Variants in PMFBP1 observed in about 807,000 individuals in gnomAD.
PMFBP1 encodes polyamine modulated factor 1 binding protein 1, also known as polyamine-modulated factor 1-binding protein 1.
Under a neutral mutation model 137.8 loss-of-function variants are expected in PMFBP1, and 131 were observed. The observed-to-expected ratio is 0.95, with a 90% CI of 0.82 to 1.10. The LOEUF (loss-of-function observed/expected upper bound fraction) is 1.10, where lower values mean the gene tolerates loss of function less well. Ranked by LOEUF, PMFBP1 falls within the 50% of genes least tolerant of loss-of-function variation. The pLI, the probability that PMFBP1 is intolerant of heterozygous loss-of-function variation, is 0.00. For synonymous variants in PMFBP1, 490 were observed against 450.4 expected (o/e 1.09, Z -1.11); for missense variants, 1,199 against 1,175.4 (o/e 1.02, Z -0.29).
At position 72,164,776 on chromosome 16, in the gene PMFBP1, C is replaced by G. The variant is rs756566746; in HGVS notation, c.153G>C (p.Met51Ile). 5 of 1,592,420 alleles carry G rather than the reference C, an allele frequency of 3.1e-6. No individual in the cohort carries two copies. In the Admixed American group the frequency reaches 8.4e-5, roughly 27 times the overall value. Residue 51 changes from methionine to isoleucine, a missense_variant, in exon 3 of 21, where the codon ATG (methionine) becomes ATC (isoleucine). Met to Ile is a conservative substitution (Grantham distance 10). Coordinates refer to ENST00000237353, the MANE Select transcript of PMFBP1 (RefSeq NM_031293.3). Reference protein sequence around the residue: ...QDNQLCMEEAMNSSHDKKQAQ... With the variant: ...QDNQLCMEEAINSSHDKKQAQ... ...CCAAGTCCCTTACGTGGCTGCTGTT[C>G]ATTGCCTCCTCCATGCAGAGCTGAT...
intron 5 of PMFBP1, among the ~76,000 whole-genome samples, chr16:72,142,179 T>C (rs2042733751): frequency 6.6e-6 from 1 of 152,062 alleles, no homozygotes; most frequent in Non-Finnish European, 1.5e-5. Context: ...AAATCTAAAA[T>C]TGACTGTAAA....
At chr16:72,119,622 G>A (rs1043754210) in intron 20 of PMFBP1, 1 of 1,444,328 alleles carries the variant, frequency 6.9e-7, no homozygotes, top group Admixed American at 2.8e-5. Flanking sequence ...GGAGGGGGCA[G>A]GTCTGAGATG....
chr16:72,241,958 T>C, the PMFBP1 span, among the ~76,000 whole-genome samples: 2 of 152,190 alleles, frequency 1.3e-5, no homozygotes, highest in African/African-American at 4.8e-5. Context: ...TCCTTCTCAT[T>C]ATGTATGCCT....
the PMFBP1 span, among the ~76,000 whole-genome samples, chr16:72,211,904 G>A: frequency 6.6e-6 from 1 of 152,122 alleles, no homozygotes; most frequent in African/African-American, 2.4e-5. Flanking sequence ...GGCTGAAGTG[G>A]GAGGACTGCT....
Position 72,136,460 on chromosome 16 carries a change from C to G in PMFBP1, c.1191G>C (p.Leu397Phe). Residue 397 changes from leucine to phenylalanine, a missense_variant, in exon 9 of 21, where the codon TTG becomes TTC. Coordinates refer to ENST00000237353, the MANE Select transcript of PMFBP1 (RefSeq NM_031293.3). Reference sequence around the variant, plus strand: ...TTCCTCACTTTACCTTGTCTTTCTTCAAAGTGAGCTTTTGGGTCTCGGTGA... The same window carrying G: ...TTCCTCACTTTACCTTGTCTTTCTTGAAAGTGAGCTTTTGGGTCTCGGTGA... ...LEFTETQKLT[L>F]KKDKFLQEKD... 1 of 1,613,444 alleles carries G rather than the reference C, an allele frequency of 6.2e-7. No individual in the cohort carries two copies.
intron 2 of PMFBP1, among the ~76,000 whole-genome samples, chr16:72,165,737 G>C (rs1316915648): frequency 2.6e-5 from 4 of 152,140 alleles, no homozygotes; most frequent in Admixed American, 2.6e-4. Flanking sequence ...CTTTTCTTTA[G>C]AGGCATTCAC....
chr16:72,231,906 G>GTATATACTTTTTTCCTCACAAA, the PMFBP1 span, among the ~76,000 whole-genome samples: 31,225 of 151,764 alleles, frequency 0.21, 3,633 homozygotes, highest in East Asian at 0.42. Flanking sequence ...TATACTTTTG[G>GTATATACTTTTTTCCTCACAAA]GAAGACACCC....
upstream of PMFBP1, among the ~76,000 whole-genome samples, chr16:72,181,567 A>G (rs774513048): frequency 1.4e-4 from 21 of 152,238 alleles, no homozygotes; most frequent in Non-Finnish European, 2.8e-4. Flanking sequence ...TTAAAAAATT[A>G]TTCAGGTTGC....
At chr16:72,246,033 G>A in the PMFBP1 span, among the ~76,000 whole-genome samples, 1 of 152,106 alleles carries the variant, frequency 6.6e-6, no homozygotes, top group Non-Finnish European at 1.5e-5. Context: ...GGATAGTGTG[G>A]GAGCATACTC....
At chr16:72,207,396 G>A in the PMFBP1 span, among the ~76,000 whole-genome samples, 1 of 152,110 alleles carries the variant, frequency 6.6e-6, no homozygotes, top group Non-Finnish European at 1.5e-5. Flanking sequence ...AAAAAGGGAT[G>A]GTTTTGAGAG....
the PMFBP1 span, among the ~76,000 whole-genome samples, chr16:72,224,188 C>T: frequency 3.3e-5 from 5 of 152,206 alleles, no homozygotes; most frequent in African/African-American, 4.8e-5. Flanking sequence ...ATGTCCAAAT[C>T]GGTGTCATGT....
the PMFBP1 span, among the ~76,000 whole-genome samples, chr16:72,248,258 C>T: frequency 1.3e-5 from 2 of 152,202 alleles, no homozygotes; most frequent in East Asian, 3.8e-4. Flanking sequence ...ATTTCTACAA[C>T]TAGGAAGTGT....
the PMFBP1 span, chr16:72,224,876 G>C: frequency 6.6e-6 from 1 of 152,108 alleles, no homozygotes. Context: ...ATATGAACAA[G>C]GCCTTGTTTG....
chr16:72,167,770 C>G (rs2043165840), intron 2 of PMFBP1, among the ~76,000 whole-genome samples: 1 of 152,214 alleles, frequency 6.6e-6, no homozygotes, highest in Admixed American at 6.5e-5. Context: ...ATACCCTATA[C>G]TCTTGCCTTG....
At chr16:72,182,107 A>T in the PMFBP1 span, among the ~76,000 whole-genome samples, 1 of 152,202 alleles carries the variant, frequency 6.6e-6, no homozygotes, top group Non-Finnish European at 1.5e-5. Context: ...CTTCTCATGG[A>T]GTCACTTTGC....
chr16:72,161,094 CTTTTT>C (rs35611285), intron 3 of PMFBP1, among the ~76,000 whole-genome samples: 3 of 124,940 alleles, frequency 2.4e-5, no homozygotes, highest in Non-Finnish European at 5.2e-5. Flanking sequence ...TTATCTGTTA[CTTTTT>C]TTTTTTTTTT....
chr16:72,132,209 C>T (rs2042559515), intron 10 of PMFBP1, among the ~76,000 whole-genome samples: 1 of 152,154 alleles, frequency 6.6e-6, no homozygotes, highest in Non-Finnish European at 1.5e-5. Context: ...ACGCAACCAT[C>T]ACCAATATTT....
chr16:72,158,383 A>G (rs8057379), intron 3 of PMFBP1, among the ~76,000 whole-genome samples: 6,236 of 152,206 alleles, frequency 0.041, 400 homozygotes, highest in African/African-American at 0.14. Flanking sequence ...TGTTGTTGTT[A>G]AGGGCTTTCA....
intron 17 of PMFBP1, 139 bp from the exon 18 acceptor site, chr16:72,123,788 G>T: frequency 1.5e-6 from 1 of 683,632 alleles, no homozygotes; most frequent in Non-Finnish European, 2.4e-6. Context: ...GAGTTGTGGA[G>T]TTGCCACCAG....
Sources: gnomAD v4.1 joint callset for allele counts (sites outside exome capture counted in the v4.1 genomes callset) on GRCh38, gnomAD v4.1.1 for gene constraint, MANE v1.5 for transcripts, NCBI Gene and HGNC (gene_info 2026-07-23, HGNC 2026-07-21) for gene names.